FMNL1: variants seen among roughly 807,000 people sequenced by gnomAD.
The protein encoded by FMNL1 is formin-like protein 1.
In FMNL1, 43 loss-of-function variants were observed where a neutral mutation model predicts 121.3. That is an observed-to-expected ratio of 0.35 (90% CI 0.28 to 0.46). The LOEUF is 0.46. Among genes scored for constraint, FMNL1 ranks in the 20% least tolerant of loss-of-function variants. The probability of loss-of-function intolerance (pLI) is 1.00; values close to 1 mark genes in which losing one functional copy is unlikely to be tolerated. For missense variants in FMNL1, 1,191 were observed against 1,482.4 expected, an observed-to-expected ratio of 0.80 and a Z score of 3.23; for synonymous variants, 613 against 613.5, an observed-to-expected ratio of 1.00 and a Z score of 0.01.
chr17:45,233,215 G>A lies in FMNL1; in HGVS notation c.328-9G>A. The A allele has an allele frequency of 6.4e-7, 1 of 1,554,080 alleles. No homozygotes were observed. The highest frequency in any genetic ancestry group is 2.4e-5 in the East Asian group (1 of 41,446). On this transcript the variant is annotated splice_polypyrimidine_tract_variant and intron_variant, in intron 3 of 26. Coordinates refer to ENST00000331495, the MANE Select transcript of FMNL1 (RefSeq NM_005892.4). This position sits in a 1 kb window ranked among gnomAD's most constrained non-coding sequence, Gnocchi z 4.1. ...CCACCCACCAGCCTTCCCTGTTCTC[G>A]GTCCCCAGTTTAAGAGGCGAGTTCA...
chr17:45,241,248 G>A lies in FMNL1; in HGVS notation c.1332+18G>A. On this transcript the variant is annotated intron_variant, in intron 13 of 26. Coordinates refer to ENST00000331495, the MANE Select transcript of FMNL1 (RefSeq NM_005892.4). The surrounding 1 kb of genome is among the most constrained non-coding windows in gnomAD (Gnocchi z 7.0). ...CCCTGCGGGTGAGGCTGGGGCGGGT[G>A]GTAGGCCAGGCGCCCAAGAACAGGC... The A allele has an allele frequency of 1.2e-6, 2 of 1,613,892 alleles. No individual in the cohort carries two copies. Among genetic ancestry groups the A allele is most frequent in the African/African-American group, 1.3e-5 (1 of 75,054 alleles).
At chr17:45,224,206 A>C (rs1244572927) in intron 1 of FMNL1, among the ~76,000 whole-genome samples, 1 of 152,152 alleles carries the variant, frequency 6.6e-6, no homozygotes. Flanking sequence ...GTTAAACCCA[A>C]TCTAAGGACA....
chr17:45,243,432 A>T (rs1236111870), intron 17 of FMNL1, 112 bp downstream of exon 17: 1 of 1,264,072 alleles, frequency 7.9e-7, no homozygotes, highest in Non-Finnish European at 1.1e-6. Context: ...ATCAGGCTTC[A>T]TACCAACCCT....
Position 45,237,574 on chromosome 17 carries a change from G to A in FMNL1, c.829G>A (p.Ala277Thr). The change falls in exon 9 of 27, where the codon GCG (alanine) becomes ACG (threonine). Residue 277 changes from alanine to threonine, a missense_variant. By Grantham distance (58) the Ala-to-Thr change is moderately conservative (BLOSUM62 0). This residue lies in a region of FMNL1 where 253 missense variants were observed against 417.5 expected (regional missense o/e 0.61). Coordinates refer to ENST00000331495, the MANE Select transcript of FMNL1 (RefSeq NM_005892.4). The surrounding 1 kb of genome is among the most constrained non-coding windows in gnomAD (Gnocchi z 4.4). Reference sequence around the variant, plus strand: ...CAAGGCTCTGGTGCTGGAGCTGCTGGCGGCCGTGTGCTTGGTGCGGGGAGG... The same window carrying A: ...CAAGGCTCTGGTGCTGGAGCTGCTGACGGCCGTGTGCTTGGTGCGGGGAGG... Reference protein sequence around the residue: ...RTKALVLELLAAVCLVRGGHD... With the variant: ...RTKALVLELLTAVCLVRGGHD... 1.9e-6 allele frequency: 3 copies of A among 1,614,158 alleles called. No homozygotes were observed. Among genetic ancestry groups the A allele is most frequent in the Non-Finnish European group, 2.5e-6 (3 of 1,180,032 alleles).
intron 1 of FMNL1, among the ~76,000 whole-genome samples, chr17:45,228,863 C>T (rs369651142): frequency 2.0e-5 from 3 of 152,206 alleles, no homozygotes; most frequent in East Asian, 1.9e-4. Flanking sequence ...GCTCCAGTTT[C>T]CCTGGCACTG....
chr17:45,224,214 A>T (rs903002864), intron 1 of FMNL1, among the ~76,000 whole-genome samples: 9 of 152,172 alleles, frequency 5.9e-5, no homozygotes, highest in African/African-American at 1.9e-4. Flanking sequence ...CAATCTAAGG[A>T]CACTTGGCTA....
intron 7 of FMNL1, 170 bp downstream of exon 7, chr17:45,236,414 GGGAAGCCCATGTTTTTGCTGCCT>G: frequency 1.8e-6 from 1 of 563,632 alleles, no homozygotes; most frequent in South Asian, 2.3e-5. Context: ...GAGTCTTGAG[GGGAAGCCCATGTTTTTGCTGCCT>G]CTGTCAGGTT....
rs2043855391 is a variant in FMNL1 at position 45,247,072 on chromosome 17, C to G, written c.*214C>G. On this transcript the variant is annotated 3_prime_UTR_variant, in exon 27 of 27. Transcript: ENST00000331495. ...CTCGGCTGGCCGGGCAGCCCCTCCTCCGCTGTGGCCCGCCTCAAACGGGCT... is the reference window on the plus strand; with the variant it reads ...CTCGGCTGGCCGGGCAGCCCCTCCTGCGCTGTGGCCCGCCTCAAACGGGCT... 8 of 619,508 alleles carry G rather than the reference C, an allele frequency of 1.3e-5. No homozygotes were observed. The East Asian group carries it at 2.2e-4, about 17-fold the overall frequency. 38.4% of individuals were successfully genotyped at this position (619,508 alleles called of 1,614,324 possible).
chr17:45,246,005 C>A, intron 24 of FMNL1, 32 bp downstream of exon 24: 1 of 1,525,868 alleles, frequency 6.6e-7, no homozygotes, highest in Non-Finnish European at 8.8e-7. Context: ...TGGTACTGGG[C>A]TGCAGGGATG....
intron 2 of FMNL1, 108 bp from the exon 3 acceptor site, chr17:45,232,259 C>T: frequency 1.1e-6 from 1 of 929,634 alleles, no homozygotes; most frequent in South Asian, 1.5e-5. Flanking sequence ...CTTAAGAAAG[C>T]CTGGGACCTC....
In FMNL1 at chr17:45,222,206, C is replaced by A; in HGVS notation, c.82C>A (p.Pro28Thr). ...CAAGCAGCCCGCGCCTCCCAAGCAG[C>A]CGATGCCCGCGGCCGGAGAGCTGGA... is the stretch of plus-strand genomic sequence containing the variant. ...PPKQPAPPKQ[P>T]MPAAGELEER... Residue 28 changes from proline to threonine, a missense_variant, in exon 1 of 27, where the codon CCG (proline) becomes ACG (threonine). Physicochemically the swap from Pro to Thr is conservative, Grantham distance 38 (BLOSUM62 -1). Around this residue, in one of 4 missense-constraint regions of FMNL1, gnomAD observed 52 missense variants for 43.4 expected, o/e 1.20. Transcript: ENST00000331495. 8.0e-7 allele frequency: 1 copy of A among 1,257,646 alleles called. No individual in the cohort carries two copies. 77.9% of individuals were successfully genotyped at this position (1,257,646 alleles called of 1,614,324 possible).
chr17:45,243,137 T>C lies in FMNL1; in HGVS notation c.2030T>C (p.Phe677Ser), dbSNP rs1429139126. ...KVLQELDMSD[F>S]EEQFKTKSQG... ...CTTCAGGAGCTAGACATGAGTGATT[T>C]TGAGGAACAGTTCAAGACCAAGTCC... is the stretch of plus-strand genomic sequence containing the variant. Residue 677 changes from phenylalanine (F) to serine (S), a missense_variant, in exon 17 of 27, where the codon TTT becomes TCT. This residue lies in a region of FMNL1 where 519 missense variants were observed against 492.8 expected (regional missense o/e 1.05). Transcript: ENST00000331495. 6.2e-7 allele frequency: 1 copy of C among 1,614,158 alleles called. No individual in the cohort carries two copies. Among genetic ancestry groups the C allele is most frequent in the South Asian group, 1.1e-5 (1 of 91,078 alleles).
rs751247758 is a variant in FMNL1, at chr17:45,245,954, G to C, written c.3071G>C (p.Gly1024Ala). Residue 1024 changes from glycine to alanine, a missense_variant, in exon 24 of 27, where the codon GGG (glycine) becomes GCG (alanine). Around this residue, in one of 4 missense-constraint regions of FMNL1, gnomAD observed 367 missense variants for 528.6 expected, o/e 0.69. Coordinates refer to ENST00000331495, the MANE Select transcript of FMNL1 (RefSeq NM_005892.4). ...QEAGADTPGK[G>A]EPPAPKSPPK... ...GCAGGCGCTGATACCCCGGGCAAAG[G>C]GGAGCCCCCAGCACCCAAGGTAGGC... is the stretch of plus-strand genomic sequence containing the variant. 6.3e-7 allele frequency: 1 copy of C among 1,575,798 alleles called. No individual in the cohort carries two copies. The highest frequency in any genetic ancestry group is 8.6e-7 in the Non-Finnish European group (1 of 1,165,932).
Position 45,247,173 on chromosome 17 carries a change from T to C in FMNL1, c.*315T>C. On this transcript the variant is annotated 3_prime_UTR_variant, in exon 27 of 27. Coordinates refer to ENST00000331495, the MANE Select transcript of FMNL1 (RefSeq NM_005892.4). ...CAAATGCTGCTTGCAGCACCCACCC[T>C]AAAGCCCCCTCCAAATAGCCATACT... The C allele has an allele frequency of 1.8e-6, 1 of 566,112 alleles. No homozygotes were observed. Among genetic ancestry groups the C allele is most frequent in the South Asian group, 2.3e-5 (1 of 43,830 alleles). The allele number at this position is 566,112 out of a possible 1,614,324, so 35.1% of individuals were successfully genotyped here.
chr17:45,246,260 ACGG>A lies in FMNL1; in HGVS notation c.3142_3144del (p.Arg1049del), dbSNP rs2043831191. ...AGATGGACCTCATCTCTGAGCTGAA[ACGG>A]AGGCAGCAGAAGGAGCCACTCATTT... On this transcript the variant is annotated inframe_deletion, in exon 25 of 27. Transcript: ENST00000331495. 6.2e-7 allele frequency: 1 copy of A among 1,613,932 alleles called. No homozygotes were observed. Among genetic ancestry groups the A allele is most frequent in the Non-Finnish European group, 8.5e-7 (1 of 1,179,902 alleles).
chr17:45,239,126 G>GC, intron 11 of FMNL1, 61 bp downstream of exon 11: 1 of 1,405,912 alleles, frequency 7.1e-7, no homozygotes, highest in East Asian at 2.3e-5. Context: ...TGGCTGAGTG[G>GC]TTAGCAGCAT....
rs760526279 is a variant in FMNL1 at position 45,232,362 on chromosome 17, C to T, written c.214-5C>T. On this transcript the variant is annotated splice_polypyrimidine_tract_variant and splice_region_variant and intron_variant, in intron 2 of 26. Transcript: ENST00000331495. ...TTTTCTGTACACCCCATTCCATCTCCCCAGGAGCGGTTTCAAGTCAAGAAT... is the reference window on the plus strand; with the variant it reads ...TTTTCTGTACACCCCATTCCATCTCTCCAGGAGCGGTTTCAAGTCAAGAAT... 4.2e-5 allele frequency: 67 copies of T among 1,613,592 alleles called. No individual in the cohort carries two copies. The East Asian group carries it at 1.4e-3, about 34-fold the overall frequency.
chr17:45,229,134 T>TAAAC (rs2043388947), intron 1 of FMNL1, among the ~76,000 whole-genome samples: 2 of 152,082 alleles, frequency 1.3e-5, no homozygotes, highest in Non-Finnish European at 2.9e-5. Flanking sequence ...ACAGCGGTGG[T>TAAAC]TTCCTCAATC....
chr17:45,237,451 C>G lies in FMNL1; in HGVS notation c.800+94C>G. 6.2e-7 allele frequency: 1 copy of G among 1,605,998 alleles called. No individual in the cohort carries two copies. The highest frequency in any genetic ancestry group is 1.1e-5 in the South Asian group (1 of 90,842). On this transcript the variant is annotated intron_variant, in intron 8 of 26. Coordinates refer to ENST00000331495, the MANE Select transcript of FMNL1 (RefSeq NM_005892.4). This position sits in a 1 kb window ranked among gnomAD's most constrained non-coding sequence, Gnocchi z 4.4. ...GTCCTCCAGGTCTCAGAGGCTCATTCTGCACCCACTATGCTCCTCCTAGCC... is the reference window on the plus strand; with the variant it reads ...GTCCTCCAGGTCTCAGAGGCTCATTGTGCACCCACTATGCTCCTCCTAGCC...
Sources: allele counts gnomAD v4.1 joint callset (sites outside exome capture counted in the v4.1 genomes callset), GRCh38; gene constraint gnomAD v4.1.1; regional missense constraint gnomAD v4.1.1; non-coding constraint Gnocchi (gnomAD v3.1); transcripts MANE v1.5; gene names NCBI Gene and HGNC (gene_info 2026-07-23, HGNC 2026-07-21).